Variants in U2SURP observed in about 807,000 individuals in gnomAD.
U2SURP encodes the protein U2 snRNP-associated SURP motif-containing protein.
In U2SURP, 9 loss-of-function variants were observed where a neutral mutation model predicts 144.9. That is an observed-to-expected ratio of 0.06 (90% CI 0.04 to 0.11). The LOEUF is 0.11. U2SURP is among the 10% of genes least tolerant of loss of function. The probability of loss-of-function intolerance (pLI) is 1.00; values close to 1 mark genes in which losing one functional copy is unlikely to be tolerated. For missense variants in U2SURP, 724 were observed against 1,226.7 expected, an observed-to-expected ratio of 0.59 and a Z score of 6.12; for synonymous variants, 408 against 396.8, an observed-to-expected ratio of 1.03 and a Z score of -0.33.
rs1048824303 is a variant in U2SURP at position 143,058,903 on chromosome 3, AGTT to A, written c.*2457_*2459del. The A allele has an allele frequency of 7.2e-5, 11 of 151,874 alleles. No individual in the cohort carries two copies. The highest frequency in any genetic ancestry group is 1.3e-4 in the Admixed American group (2 of 15,224). 9.4% of individuals were successfully genotyped at this position (151,874 alleles called of 1,614,324 possible). A position where few individuals can be genotyped will look rare whatever the true frequency, so the allele number is the denominator to read the frequency against. On this transcript the variant is annotated 3_prime_UTR_variant, in exon 28 of 28. Transcript: ENST00000473835. ...GTCCTCTACCACAGCTACGTGCCAGAGTTGTTTTCCACAGTTCTTATAAAGGGC... is the reference window on the plus strand; with the variant it reads ...GTCCTCTACCACAGCTACGTGCCAGAGTTTTCCACAGTTCTTATAAAGGGC...
chr3:143,020,553 G>T, intron 7 of U2SURP, 46 bp from the exon 8 acceptor site: 2 of 1,341,950 alleles, frequency 1.5e-6, no homozygotes, highest in Non-Finnish European at 2.1e-6. Flanking sequence ...AAATGTGAAT[G>T]AACAAATTTT....
chr3:143,012,134 T>C, intron 2 of U2SURP, 88 bp from the exon 3 acceptor site: 1 of 1,468,670 alleles, frequency 6.8e-7, no homozygotes, highest in Non-Finnish European at 9.3e-7. Context: ...AATTTGTCAA[T>C]ATCTGGCATG....
At chr3:143,018,515 G>A (rs58531834) in intron 6 of U2SURP, among the ~76,000 whole-genome samples, 5,544 of 152,162 alleles carry the variant, frequency 0.036, 289 homozygotes, top group African/African-American at 0.11. Flanking sequence ...AAACATTCAT[G>A]TGTGGGCTTT....
chr3:143,032,719 C>A, intron 16 of U2SURP, 65 bp from the exon 17 acceptor site: 1 of 1,415,690 alleles, frequency 7.1e-7, no homozygotes. Flanking sequence ...AGTTTGTGAG[C>A]AAAAGCTACA....
In U2SURP at chr3:143,020,579, A is replaced by T. The variant is rs1936581740; in HGVS notation, c.639-20A>T. 1 of 1,587,200 alleles carries T rather than the reference A, an allele frequency of 6.3e-7. No individual in the cohort carries two copies. Among genetic ancestry groups the T allele is most frequent in the Non-Finnish European group, 8.6e-7 (1 of 1,161,608 alleles). Reference sequence around the variant, plus strand: ...AACAAATTTTGGCTCATTATAAGTGATTGTAAATATTTTCAACAGAATTCA... The same window carrying T: ...AACAAATTTTGGCTCATTATAAGTGTTTGTAAATATTTTCAACAGAATTCA... On this transcript the variant is annotated intron_variant, in intron 7 of 27. Transcript: ENST00000473835.
chr3:143,024,116 T>G, intron 13 of U2SURP, 98 bp downstream of exon 13: 5 of 1,104,528 alleles, frequency 4.5e-6, no homozygotes, highest in Non-Finnish European at 6.8e-6. Flanking sequence ...GTATCTTGAC[T>G]GAGCAATGGT....
intron 17 of U2SURP, 52 bp from the exon 18 acceptor site, chr3:143,033,219 C>T: frequency 1.8e-6 from 2 of 1,122,410 alleles, no homozygotes; most frequent in Middle Eastern, 2.5e-4. Context: ...TAAATTATAG[C>T]TAAACATTAG....
intron 1 of U2SURP, among the ~76,000 whole-genome samples, chr3:143,002,901 C>T (rs1935612316): frequency 6.6e-6 from 1 of 152,002 alleles, no homozygotes; most frequent in Non-Finnish European, 1.5e-5. Flanking sequence ...TTTTTTTCCC[C>T]CTCCTCAGTA....
intron 23 of U2SURP, among the ~76,000 whole-genome samples, chr3:143,041,698 A>T (rs553555372): frequency 6.6e-5 from 10 of 152,050 alleles, no homozygotes; most frequent in Non-Finnish European, 7.4e-5. Context: ...GAATTTGATT[A>T]TAACTTTTTA....
At chr3:143,009,841 TAAAC>T (rs1936033790) in intron 1 of U2SURP, among the ~76,000 whole-genome samples, 1 of 152,228 alleles carries the variant, frequency 6.6e-6, no homozygotes, top group Non-Finnish European at 1.5e-5. Flanking sequence ...GTTTTTCTCT[TAAAC>T]TAATATTTTA....
intron 22 of U2SURP, 115 bp from the exon 23 acceptor site, chr3:143,038,779 T>TA: frequency 1.5e-6 from 1 of 676,818 alleles, no homozygotes; most frequent in Non-Finnish European, 2.4e-6. Context: ...AAACATAGAT[T>TA]AAAAAAACTT....
chr3:143,032,634 G>C, intron 16 of U2SURP, 150 bp from the exon 17 acceptor site: 1 of 562,636 alleles, frequency 1.8e-6, no homozygotes, highest in Middle Eastern at 5.1e-4. Context: ...ACAATTTTGG[G>C]GGACACAACA....
intron 1 of U2SURP, among the ~76,000 whole-genome samples, chr3:143,005,940 C>G (rs377061281): frequency 6.6e-6 from 1 of 152,004 alleles, no homozygotes; most frequent in Non-Finnish European, 1.5e-5. Context: ...TTGCCTCATT[C>G]TAGTATAGGT....
At chr3:143,056,256 C>T in intron 27 of U2SURP, 56 bp from the exon 28 acceptor site, 1 of 1,522,878 alleles carries the variant, frequency 6.6e-7, no homozygotes, top group Non-Finnish European at 8.8e-7. Context: ...TAAGGATAAA[C>T]AGTTTTGATC....
In U2SURP at chr3:143,045,238, G is replaced by A. The variant is rs369541092; in HGVS notation, c.2544+1962G>A. 1.1e-4 allele frequency among the ~76,000 whole-genome samples: 16 copies of A among 152,050 alleles called. No homozygotes were observed. In the South Asian group the frequency reaches 2.7e-3, roughly 26 times the overall value. ...ACAAAAATTAGCCGGGCATGGTGAC[G>A]GGCACCTGTAGTCCCCGCTACTCAG... On this transcript the variant is annotated intron_variant, in intron 24 of 27. Coordinates refer to ENST00000473835, the MANE Select transcript of U2SURP (RefSeq NM_001080415.2).
intron 26 of U2SURP, 84 bp downstream of exon 26, chr3:143,053,878 G>A (rs1355882513): frequency 8.9e-6 from 10 of 1,120,356 alleles, no homozygotes; most frequent in African/African-American, 4.7e-5. Flanking sequence ...ATTGATGCCC[G>A]CAAACTGGAA....
intron 23 of U2SURP, among the ~76,000 whole-genome samples, chr3:143,039,599 A>AT (rs10706682): frequency 0.027 from 3,700 of 136,750 alleles, 80 homozygotes; most frequent in African/African-American, 0.054. Flanking sequence ...AGGGAGTTGA[A>AT]TTTTTTTTTT....
chr3:143,013,820 A>G (rs2108274661), intron 3 of U2SURP, among the ~76,000 whole-genome samples: 1 of 152,202 alleles, frequency 6.6e-6, no homozygotes, highest in East Asian at 1.9e-4. Context: ...TATCAGTATT[A>G]TTGACGAAGA....
intron 1 of U2SURP, among the ~76,000 whole-genome samples, chr3:143,005,604 C>T (rs1935792886): frequency 6.6e-6 from 1 of 152,204 alleles, no homozygotes; most frequent in African/African-American, 2.4e-5. Flanking sequence ...CTTGAACCTG[C>T]AGCACGGGTG....
Sources: allele counts gnomAD v4.1 joint callset (sites outside exome capture counted in the v4.1 genomes callset), GRCh38; gene constraint gnomAD v4.1.1; transcripts MANE v1.5; gene names NCBI Gene and HGNC (gene_info 2026-07-23, HGNC 2026-07-21).